Variants in SLCO1C1 observed in about 807,000 individuals in gnomAD.
SLCO1C1 encodes the protein solute carrier organic anion transporter family member 1C1.
In SLCO1C1, 70 loss-of-function variants were observed where a neutral mutation model predicts 76.4. That is an observed-to-expected ratio of 0.92 (90% CI 0.76 to 1.12). The LOEUF (loss-of-function observed/expected upper bound fraction) is 1.12. Among genes scored for constraint, SLCO1C1 ranks in the 50% most tolerant of loss-of-function variants. SLCO1C1 has a pLI of 0.00. For synonymous variants in SLCO1C1, 306 were observed against 286.1 expected (o/e 1.07, Z -0.70); for missense variants, 912 against 823.8 (o/e 1.11, Z -1.31).
At position 20,752,313 on chromosome 12, in the gene SLCO1C1, TA is replaced by T; in HGVS notation, c.1925del (p.Tyr642PhefsTer4). 1 of 1,570,038 alleles carries T rather than the reference TA, an allele frequency of 6.4e-7. No individual in the cohort carries two copies. The highest frequency in any genetic ancestry group is 8.7e-7 in the Non-Finnish European group (1 of 1,154,320). On this transcript the variant is annotated frameshift_variant, in exon 15 of 15. Coordinates refer to ENST00000266509, the MANE Select transcript of SLCO1C1 (RefSeq NM_017435.5). LOFTEE classifies it low-confidence loss of function (END_TRUNC). ...LYDSNVFRHI[Y>X]LGLTVILGTV... ...GATTCTCTCTTCTTCTAGACATATA[TA>T]TCTGGGACTAACTGTGATACTGGGC...
At position 20,711,325 on chromosome 12, in the gene SLCO1C1, C is replaced by T; in HGVS notation, c.405-61C>T. The T allele has an allele frequency of 4.5e-6, 7 of 1,564,190 alleles. No homozygotes were observed. In the South Asian group the frequency reaches 8.2e-5, roughly 18 times the overall value. ...ACCCTAACGATTCGTGTAGCATACACATAATATTCTTAGTATGATGTTAAT... is the reference window on the plus strand; with the variant it reads ...ACCCTAACGATTCGTGTAGCATACATATAATATTCTTAGTATGATGTTAAT... On this transcript the variant is annotated intron_variant, in intron 4 of 14. Transcript: ENST00000266509.
chr12:20,721,339 C>A (rs545923821), intron 7 of SLCO1C1, among the ~76,000 whole-genome samples: 2 of 152,302 alleles, frequency 1.3e-5, no homozygotes, highest in Admixed American at 6.5e-5. Context: ...GTCATTTCAA[C>A]CTCCAACAAC....
intron 9 of SLCO1C1, 21 bp from the exon 10 acceptor site, chr12:20,732,888 T>C: frequency 6.2e-7 from 1 of 1,611,842 alleles, no homozygotes; most frequent in Non-Finnish European, 8.5e-7. Context: ...CACAAAATGA[T>C]ATATTTTTCT....
intron 9 of SLCO1C1, among the ~76,000 whole-genome samples, chr12:20,728,553 G>A (rs1253875943): frequency 6.6e-6 from 1 of 151,230 alleles, no homozygotes; most frequent in Admixed American, 6.6e-5. Flanking sequence ...AGACAAGTAG[G>A]AAAAAATTAA....
intron 11 of SLCO1C1, among the ~76,000 whole-genome samples, chr12:20,738,830 G>C (rs1337956412): frequency 1.3e-5 from 2 of 151,950 alleles, no homozygotes; most frequent in Non-Finnish European, 2.9e-5. Flanking sequence ...TGAGAACTGA[G>C]GCACTGAGAT....
At chr12:20,734,442 A>C (rs1162090834) in intron 10 of SLCO1C1, among the ~76,000 whole-genome samples, 1 of 152,200 alleles carries the variant, frequency 6.6e-6, no homozygotes, top group East Asian at 1.9e-4. Context: ...TGCCATCTTT[A>C]ACTGTCCCAG....
chr12:20,701,364 C>A lies in SLCO1C1; in HGVS notation c.176C>A (p.Ala59Glu). 6.5e-7 allele frequency: 1 copy of A among 1,544,310 alleles called. No individual in the cohort carries two copies. The change falls in exon 3 of 15, where the codon GCA (alanine) becomes GAA (glutamate). Residue 59 changes from alanine to glutamate, a missense_variant. Transcript: ENST00000266509. ...LSFVYFAKAL[A>E]EGYLKSTITQ... is the part of the protein sequence containing the mutation. ...TTTGTTTACTTTGCCAAAGCATTGG[C>A]AGAAGGCTATCTGAAGAGCACCATC...
Position 20,750,674 on chromosome 12 carries a change from G to T in SLCO1C1, c.1799-1G>T, listed in dbSNP as rs1204066275. On this transcript the variant is annotated splice_acceptor_variant, in intron 13 of 14. Coordinates refer to ENST00000266509, the MANE Select transcript of SLCO1C1 (RefSeq NM_017435.5). LOFTEE classifies it high-confidence loss of function. The stretch of plus-strand genomic sequence containing the variant: ...ACAGCAATTATTTGTTTTTCTCACA[G>T]CAGGAATCCCAGCTCCAGTGTATTT... 6.2e-7 allele frequency: 1 copy of T among 1,613,546 alleles called. No individual in the cohort carries two copies. The highest frequency in any genetic ancestry group is 8.5e-7 in the Non-Finnish European group (1 of 1,179,558).
intron 4 of SLCO1C1, among the ~76,000 whole-genome samples, chr12:20,709,176 C>T (rs562635266): frequency 1.8e-4 from 28 of 152,278 alleles, no homozygotes; most frequent in African/African-American, 1.4e-4. Context: ...AATATAAAAG[C>T]ATTTATAATA....
In SLCO1C1 at chr12:20,752,459, G is replaced by A. The variant is rs772956609; in HGVS notation, c.2070G>A (p.Lys690=). Residue 690 remains lysine, a synonymous_variant, in exon 15 of 15, where the codon AAG becomes AAA. Transcript: ENST00000266509. ...ERTMVSTRFQ[K]ENYTTSDHLL... ...CAATGGTGTCTACAAGATTCCAAAA[G>A]GAAAATTACACTACAAGTGATCATC... is the stretch of plus-strand genomic sequence containing the variant. The A allele has an allele frequency of 6.9e-5, 112 of 1,613,150 alleles. No homozygotes were observed. The East Asian group carries it at 2.3e-3, about 33-fold the overall frequency.
chr12:20,733,152 A>G (rs1948374023), intron 10 of SLCO1C1, 48 bp downstream of exon 10: 1 of 1,460,070 alleles, frequency 6.8e-7, no homozygotes, highest in African/African-American at 1.4e-5. Context: ...TGTTTAATTA[A>G]ATCAATTATT....
At chr12:20,746,432 C>T (rs1250487643) in intron 13 of SLCO1C1, among the ~76,000 whole-genome samples, 2 of 151,840 alleles carry the variant, frequency 1.3e-5, no homozygotes, top group East Asian at 3.9e-4. Context: ...AAGGAAAATT[C>T]CTTCTTCGAG....
chr12:20,732,559 G>A (rs1389252907), intron 9 of SLCO1C1, among the ~76,000 whole-genome samples: 2 of 152,204 alleles, frequency 1.3e-5, no homozygotes, highest in African/African-American at 4.8e-5. Context: ...TATATTCTAT[G>A]TGCCTATTAT....
intron 9 of SLCO1C1, among the ~76,000 whole-genome samples, chr12:20,724,373 G>T: frequency 7.7e-6 from 1 of 129,602 alleles, no homozygotes. Flanking sequence ...CAGTTCAGAT[G>T]GATAATTTTG....
chr12:20,705,969 T>A lies in SLCO1C1; in HGVS notation c.292T>A (p.Phe98Ile), dbSNP rs1393723544. The A allele has an allele frequency of 6.2e-7, 1 of 1,613,292 alleles. No individual in the cohort carries two copies. Among genetic ancestry groups the A allele is most frequent in the Non-Finnish European group, 8.5e-7 (1 of 1,179,402 alleles). Residue 98 changes from phenylalanine (F) to isoleucine (I), a missense_variant, in exon 4 of 15, where the codon TTT becomes ATT. Transcript: ENST00000266509. ...FEIGNLLVIT[F>I]VSYFGAKLHR... The stretch of plus-strand genomic sequence containing the variant: ...CAAAGGGAATCTCTTAGTTATAACA[T>A]TTGTTAGCTACTTTGGAGCCAAACT...
At chr12:20,723,639 C>G (rs1210335143) in intron 9 of SLCO1C1, among the ~76,000 whole-genome samples, 1 of 151,984 alleles carries the variant, frequency 6.6e-6, no homozygotes, top group Admixed American at 6.6e-5. Context: ...CTTGTATTTT[C>G]GCGGTCAAAA....
rs1179683506 is a variant in SLCO1C1 at position 20,706,045 on chromosome 12, C to T, written c.368C>T (p.Thr123Ile). 6.2e-7 allele frequency: 1 copy of T among 1,613,156 alleles called. No homozygotes were observed. Among genetic ancestry groups the T allele is most frequent in the East Asian group, 2.2e-5 (1 of 44,798 alleles). ...GAGCVIMGVG[T>I]LLIAMPQFFM... ...GGGTGTGTAATCATGGGAGTTGGAA[C>T]ACTGCTCATTGCAATGCCTCAGTTC... The change falls in exon 4 of 15, where the codon ACA (threonine) becomes ATA (isoleucine). Residue 123 changes from threonine to isoleucine, a missense_variant. Coordinates refer to ENST00000266509, the MANE Select transcript of SLCO1C1 (RefSeq NM_017435.5).
chr12:20,721,789 C>G lies in SLCO1C1; in HGVS notation c.776-15C>G, dbSNP rs747859492. The stretch of plus-strand genomic sequence containing the variant: ...TTGCTGTTTGTATTACTTAGCCATC[C>G]CCTCTGTCTTTCAGATCACATAACC... On this transcript the variant is annotated splice_polypyrimidine_tract_variant and intron_variant, in intron 7 of 14. Coordinates refer to ENST00000266509, the MANE Select transcript of SLCO1C1 (RefSeq NM_017435.5). 4.2e-5 allele frequency: 67 copies of G among 1,611,852 alleles called. No individual in the cohort carries two copies. In the Middle Eastern group the frequency reaches 2.3e-3, roughly 56 times the overall value.
At chr12:20,710,681 A>G (rs1947046403) in intron 4 of SLCO1C1, among the ~76,000 whole-genome samples, 2 of 152,152 alleles carry the variant, frequency 1.3e-5, no homozygotes, top group Admixed American at 1.3e-4. Context: ...GAAAAAGCAG[A>G]ATCTTATCAG....
Sources: gnomAD v4.1 joint callset for allele counts (sites outside exome capture counted in the v4.1 genomes callset) on GRCh38, gnomAD v4.1.1 for gene constraint, MANE v1.5 for transcripts, NCBI Gene and HGNC (gene_info 2026-07-23, HGNC 2026-07-21) for gene names.